The following SMURF2 variants were observed in gnomAD, a reference collection of about 807,000 sequenced individuals.
SMURF2 encodes SMAD specific E3 ubiquitin protein ligase 2.
A neutral mutation model predicts 109.6 loss-of-function variants in SMURF2; 48 were observed. That is an observed-to-expected ratio of 0.44 (90% confidence interval 0.35 to 0.56). The LOEUF (loss-of-function observed/expected upper bound fraction) is 0.56. Among genes scored for constraint, SMURF2 ranks in the 20% least tolerant of loss-of-function variants. The pLI is 0.01. For synonymous variants in SMURF2, 288 were observed against 317.1 expected, an observed-to-expected ratio of 0.91 and a Z score of 0.97; for missense variants, 575 against 909.0, an observed-to-expected ratio of 0.63 and a Z score of 4.72.
chr17:64,656,076 G>C (rs1372172218), intron 1 of SMURF2, among the ~76,000 whole-genome samples: 1 of 152,212 alleles, frequency 6.6e-6, no homozygotes, highest in East Asian at 1.9e-4. Flanking sequence ...AATAGCAATT[G>C]CAGGGGAAAT....
chr17:64,654,380 C>G (rs1401376614), intron 1 of SMURF2, among the ~76,000 whole-genome samples: 1 of 152,174 alleles, frequency 6.6e-6, no homozygotes. Context: ...TGAAACTATT[C>G]TTGTTCAGAA....
At chr17:64,584,351 C>CTTTTTTTTT (rs781823585) in intron 6 of SMURF2, among the ~76,000 whole-genome samples, 2 of 131,772 alleles carry the variant, frequency 1.5e-5, no homozygotes, top group South Asian at 2.4e-4. Flanking sequence ...CAGCTACTTT[C>CTTTTTTTTT]TTTTTTTTTC....
chr17:64,599,513 C>G (rs1174202259), intron 2 of SMURF2, among the ~76,000 whole-genome samples: 1 of 152,192 alleles, frequency 6.6e-6, no homozygotes, highest in African/African-American at 2.4e-5. Flanking sequence ...TGGGCCGGTA[C>G]AGGTTCGTGG....
At chr17:64,604,833 A>G (rs1322921212) in intron 2 of SMURF2, among the ~76,000 whole-genome samples, 1 of 151,744 alleles carries the variant, frequency 6.6e-6, no homozygotes, top group Admixed American at 6.6e-5. Context: ...AATCCCAGCT[A>G]CTCAGGAGGC....
At chr17:64,586,224 T>A (rs1210703507) in intron 5 of SMURF2, 54 bp from the exon 6 acceptor site, 2 of 1,193,676 alleles carry the variant, frequency 1.7e-6, no homozygotes, top group Non-Finnish European at 2.4e-6. Flanking sequence ...AGAACTATTA[T>A]AATCTAAAAT....
chr17:64,587,044 C>T (rs1555687170), intron 5 of SMURF2, among the ~76,000 whole-genome samples: 1 of 150,696 alleles, frequency 6.6e-6, no homozygotes, highest in Non-Finnish European at 1.5e-5. Context: ...GGGCGTGGTG[C>T]GTGCACCTGC....
At chr17:64,587,981 T>A (rs1307341914) in intron 5 of SMURF2, among the ~76,000 whole-genome samples, 3 of 148,100 alleles carry the variant, frequency 2.0e-5, no homozygotes, top group Non-Finnish European at 4.4e-5. Context: ...ATGAATTACA[T>A]ACCCACCATG....
At chr17:64,550,109 CCTT>C (rs1353890015) in intron 16 of SMURF2, among the ~76,000 whole-genome samples, 2 of 152,228 alleles carry the variant, frequency 1.3e-5, no homozygotes, top group African/African-American at 4.8e-5. Context: ...GCTATGTTCT[CCTT>C]CTAACTACTT....
chr17:64,591,111 T>C lies in SMURF2; in HGVS notation c.373A>G (p.Asn125Asp). 1 of 1,613,358 alleles carries C rather than the reference T, an allele frequency of 6.2e-7. No homozygotes were observed. The highest frequency in any genetic ancestry group is 8.5e-7 in the Non-Finnish European group (1 of 1,179,652). The change falls in exon 5 of 19, where the codon AAT (asparagine) becomes GAT (aspartate). Residue 125 changes from asparagine (N) to aspartate (D), a missense_variant. This residue lies in a region of SMURF2 where 151 missense variants were observed against 178.4 expected (regional missense o/e 0.85). Coordinates refer to ENST00000262435, the MANE Select transcript of SMURF2 (RefSeq NM_022739.4). ...ACTATCTGTCCTCTAACTGTATCAT[T>C]GTCATTTGGCCCGAGTTTGCATAAA... ...LDLCKLGPND[N>D]DTVRGQIVVS...
Position 64,557,633 on chromosome 17 carries a change from A to C in SMURF2, c.1406T>G (p.Ile469Ser), listed in dbSNP as rs782168725. Residue 469 changes from isoleucine (I) to serine (S), a missense_variant, in exon 13 of 19, where the codon ATC becomes AGC. Coordinates refer to ENST00000262435, the MANE Select transcript of SMURF2 (RefSeq NM_022739.4). ...CGGATTAACTGCAGAATCAGGATTGATCTGCAATGTATAAATATCATCTCT... is the reference window on the plus strand; with the variant it reads ...CGGATTAACTGCAGAATCAGGATTGCTCTGCAATGTATAAATATCATCTCT... ...YSRDDIYTLQINPDSAVNPEH... is the reference protein window; with the variant it reads ...YSRDDIYTLQSNPDSAVNPEH... 2 of 1,603,446 alleles carry C rather than the reference A, an allele frequency of 1.2e-6. No homozygotes were observed. The highest frequency in any genetic ancestry group is 1.1e-5 in the South Asian group (1 of 90,486).
At chr17:64,580,091 AGTCTGTT>A (rs2144636056) in intron 8 of SMURF2, among the ~76,000 whole-genome samples, 1 of 152,332 alleles carries the variant, frequency 6.6e-6, no homozygotes, top group South Asian at 2.1e-4. Context: ...GTTTATCTAT[AGTCTGTT>A]AAGAGGGCAA....
chr17:64,551,580 T>TA lies in SMURF2; in HGVS notation c.1869+3dup. ...TAGTGATGTTATAATACTAATGCAC[T>TA]AACCTCTAACTCCTTCTCATCAAAT... On this transcript the variant is annotated splice_donor_region_variant and intron_variant, in intron 16 of 18. Transcript: ENST00000262435. 1 of 1,613,694 alleles carries TA rather than the reference T, an allele frequency of 6.2e-7. No individual in the cohort carries two copies.
intron 5 of SMURF2, among the ~76,000 whole-genome samples, chr17:64,587,691 T>A (rs1555687235): frequency 6.6e-6 from 1 of 152,194 alleles, no homozygotes; most frequent in Admixed American, 6.5e-5. Flanking sequence ...ACAGAGCTCC[T>A]TGATATTAAG....
chr17:64,595,216 T>C (rs1292347175), intron 3 of SMURF2, among the ~76,000 whole-genome samples: 1 of 152,212 alleles, frequency 6.6e-6, no homozygotes, highest in Non-Finnish European at 1.5e-5. Flanking sequence ...TTGCTAATTA[T>C]AGACCTTCTG....
chr17:64,589,452 G>A lies in SMURF2; in HGVS notation c.400+1632C>T, dbSNP rs201617610. On this transcript the variant is annotated intron_variant, in intron 5 of 18. Transcript: ENST00000262435. The stretch of plus-strand genomic sequence containing the variant: ...AATGACAGGAATTATCAGTAATGAT[G>A]TAGTGTAGATCAGGAATCCCCAACC... Among the ~76,000 whole-genome samples the A allele has an allele frequency of 5.3e-5, 8 of 150,024 alleles. No individual in the cohort carries two copies. In the East Asian group the frequency reaches 1.6e-3, roughly 29 times the overall value.
chr17:64,641,704 T>C (rs1456098548), intron 1 of SMURF2, among the ~76,000 whole-genome samples: 3 of 152,116 alleles, frequency 2.0e-5, no homozygotes, highest in South Asian at 2.1e-4. Context: ...GTGAGAGATA[T>C]GCCCAGCCAC....
At chr17:64,627,099 T>C (rs926521008) in intron 1 of SMURF2, among the ~76,000 whole-genome samples, 11 of 148,742 alleles carry the variant, frequency 7.4e-5, no homozygotes, top group Non-Finnish European at 1.0e-4. Flanking sequence ...TTTAAGCCAC[T>C]AAGTTTTTTT....
intron 10 of SMURF2, 101 bp downstream of exon 10, chr17:64,571,697 G>A (rs1555685561): frequency 8.0e-7 from 1 of 1,245,438 alleles, no homozygotes; most frequent in African/African-American, 1.5e-5. Context: ...GGGATTAAAG[G>A]CGTGAGCCAC....
At chr17:64,621,922 A>AATG (rs1469972859) in intron 1 of SMURF2, among the ~76,000 whole-genome samples, 1 of 145,882 alleles carries the variant, frequency 6.9e-6, no homozygotes, top group Non-Finnish European at 1.5e-5. Flanking sequence ...TAATAATAAT[A>AATG]ATAAAAAGCA....
Sources: gnomAD v4.1 joint callset for allele counts (sites outside exome capture counted in the v4.1 genomes callset) on GRCh38, gnomAD v4.1.1 for gene constraint, gnomAD v4.1.1 regional missense constraint, MANE v1.5 for transcripts, NCBI Gene and HGNC (gene_info 2026-07-23, HGNC 2026-07-21) for gene names.